The following RBMS3 variants were observed in gnomAD, a reference collection of about 807,000 sequenced individuals.
RBMS3 encodes the protein RNA-binding motif, single-stranded-interacting protein 3.
Under a neutral mutation model 66.8 loss-of-function variants are expected in RBMS3, and 27 were observed. The observed-to-expected ratio is 0.40, with a 90% CI of 0.30 to 0.56. RBMS3 has a LOEUF of 0.56. Among genes scored for constraint, RBMS3 ranks in the 20% least tolerant of loss-of-function variants. The pLI, the probability that RBMS3 is intolerant of heterozygous loss-of-function variation, is 0.40. For synonymous variants in RBMS3, 188 were observed against 183.0 expected, an observed-to-expected ratio of 1.03 and a Z score of -0.22; for missense variants, 513 against 549.5, an observed-to-expected ratio of 0.93 and a Z score of 0.66.
intron 4 of RBMS3, among the ~76,000 whole-genome samples, chr3:29,676,126 G>A (rs1248132068): frequency 6.6e-6 from 1 of 152,152 alleles, no homozygotes; most frequent in Non-Finnish European, 1.5e-5. Flanking sequence ...TCCTTTGTAG[G>A]GACATGGATG....
At chr3:29,374,662 G>A (rs541453922) in intron 1 of RBMS3, among the ~76,000 whole-genome samples, 11 of 152,272 alleles carry the variant, frequency 7.2e-5, no homozygotes, top group African/African-American at 2.6e-4. Context: ...ATGTTTGGTA[G>A]GCTAGATGTA....
intron 12 of RBMS3, among the ~76,000 whole-genome samples, chr3:29,970,346 G>C (rs905160624): frequency 2.6e-5 from 4 of 152,248 alleles, no homozygotes; most frequent in Non-Finnish European, 5.9e-5. Context: ...TATGATATCT[G>C]TATTGCTTTT....
intron 4 of RBMS3, among the ~76,000 whole-genome samples, chr3:29,655,353 G>A: frequency 6.6e-6 from 1 of 152,204 alleles, no homozygotes. Flanking sequence ...ATTTCCTCTG[G>A]TGAAGCATAA....
intron 10 of RBMS3, among the ~76,000 whole-genome samples, chr3:29,934,591 G>A (rs2061217320): frequency 6.6e-6 from 1 of 152,150 alleles, no homozygotes; most frequent in South Asian, 2.1e-4. Context: ...GCATCCTGAT[G>A]AATGACAATG....
chr3:29,372,597 CT>C (rs1295071865), intron 1 of RBMS3, among the ~76,000 whole-genome samples: 4 of 152,094 alleles, frequency 2.6e-5, no homozygotes, highest in African/African-American at 9.6e-5. Flanking sequence ...AATAATTCAA[CT>C]TGATTTTTTA....
chr3:29,822,919 T>C (rs2058109317), intron 6 of RBMS3, among the ~76,000 whole-genome samples: 1 of 152,166 alleles, frequency 6.6e-6, no homozygotes, highest in Non-Finnish European at 1.5e-5. Context: ...GCACATTCTA[T>C]TTTAAAAAGT....
chr3:29,293,713 A>AT (rs1004578350), intron 1 of RBMS3, among the ~76,000 whole-genome samples: 29 of 148,422 alleles, frequency 2.0e-4, no homozygotes, highest in East Asian at 1.0e-3. Flanking sequence ...TAGGGCTAAT[A>AT]TTTTTTTTTT....
At chr3:29,651,179 G>A (rs1034399749) in intron 4 of RBMS3, among the ~76,000 whole-genome samples, 1 of 152,152 alleles carries the variant, frequency 6.6e-6, no homozygotes, top group Non-Finnish European at 1.5e-5. Flanking sequence ...ACTGATTTCA[G>A]GACATGGGAA....
At chr3:29,755,704 A>G (rs2055379581) in intron 5 of RBMS3, among the ~76,000 whole-genome samples, 1 of 152,222 alleles carries the variant, frequency 6.6e-6, no homozygotes, top group African/African-American at 2.4e-5. Context: ...CCCCTGCTAG[A>G]CAGAAGTGCC....
intron 4 of RBMS3, chr3:29,641,062 A>G (rs1295980452): frequency 6.6e-6 from 1 of 152,036 alleles, no homozygotes; most frequent in Non-Finnish European, 1.5e-5. Flanking sequence ...AAAAATAACT[A>G]GGAAAGACAT....
intron 6 of RBMS3, among the ~76,000 whole-genome samples, chr3:29,775,022 C>A (rs2056373681): frequency 6.6e-6 from 1 of 151,288 alleles, no homozygotes; most frequent in Non-Finnish European, 1.5e-5. Flanking sequence ...GGCCCTGAGA[C>A]AAAAACAAAA....
chr3:29,830,004 G>A (rs1485935000), intron 6 of RBMS3, among the ~76,000 whole-genome samples: 1 of 151,934 alleles, frequency 6.6e-6, no homozygotes, highest in African/African-American at 2.4e-5. Flanking sequence ...GCCTTATTTT[G>A]GAGCTGTTTG....
chr3:29,871,407 A>T (rs1488027379), intron 7 of RBMS3, among the ~76,000 whole-genome samples: 1 of 151,604 alleles, frequency 6.6e-6, no homozygotes, highest in African/African-American at 2.4e-5. Context: ...TGTTTGTTTG[A>T]CCCCTTCCTT....
intron 2 of RBMS3, among the ~76,000 whole-genome samples, chr3:29,464,886 A>G (rs1161672943): frequency 6.6e-6 from 1 of 152,174 alleles, no homozygotes; most frequent in African/African-American, 2.4e-5. Context: ...CTCTGTATCA[A>G]TAACAGAATA....
chr3:29,533,562 G>A (rs2045443982), intron 3 of RBMS3, among the ~76,000 whole-genome samples: 1 of 152,088 alleles, frequency 6.6e-6, no homozygotes, highest in South Asian at 2.1e-4. Flanking sequence ...TGGATCACGA[G>A]GTTAGGAGTT....
intron 6 of RBMS3, among the ~76,000 whole-genome samples, chr3:29,857,213 A>G (rs1156329114): frequency 6.6e-6 from 1 of 152,150 alleles, no homozygotes; most frequent in African/African-American, 2.4e-5. Flanking sequence ...TATGCTTAGG[A>G]ACAGCATGAA....
chr3:29,402,130 A>G (rs2039839245), intron 1 of RBMS3, among the ~76,000 whole-genome samples: 1 of 152,088 alleles, frequency 6.6e-6, no homozygotes, highest in Admixed American at 6.6e-5. Flanking sequence ...GATGAAAAAA[A>G]GCCCTTGGTA....
intron 1 of RBMS3, among the ~76,000 whole-genome samples, chr3:29,301,326 T>C (rs1285927743): frequency 6.6e-6 from 1 of 152,046 alleles, no homozygotes; most frequent in Non-Finnish European, 1.5e-5. Context: ...TGTGCTATGC[T>C]CTACTTATGG....
chr3:29,858,591 C>G (rs553365474), intron 6 of RBMS3, among the ~76,000 whole-genome samples: 2 of 152,312 alleles, frequency 1.3e-5, no homozygotes, highest in South Asian at 4.1e-4. Context: ...GGTGTCAAAA[C>G]ATTGCCTTCA....
Sources: allele counts gnomAD v4.1 joint callset (sites outside exome capture counted in the v4.1 genomes callset), GRCh38; gene constraint gnomAD v4.1.1; transcripts MANE v1.5; gene names NCBI Gene and HGNC (gene_info 2026-07-23, HGNC 2026-07-21).